Variants in DNAH9 observed in about 807,000 individuals in gnomAD.
DNAH9 encodes the protein dynein axonemal heavy chain 9, also known as DNAH9 variant protein.
DNAH9 carries 345 observed loss-of-function variants against 471.6 expected under a neutral mutation model. The observed-to-expected ratio is 0.73, with a 90% CI of 0.67 to 0.80. The LOEUF (loss-of-function observed/expected upper bound fraction) is 0.80, where lower values mean the gene tolerates loss of function less well. Ranked by LOEUF, DNAH9 falls within the 30% of genes least tolerant of loss-of-function variation. The pLI is 0.00. For synonymous variants in DNAH9, 2,093 were observed against 2,123.6 expected (o/e 0.99, Z 0.40); for missense variants, 5,407 against 5,609.2 (o/e 0.96, Z 1.15).
intron 8 of DNAH9, among the ~76,000 whole-genome samples, chr17:11,636,285 T>G (rs187792976): frequency 1.8e-4 from 28 of 152,320 alleles, no homozygotes; most frequent in African/African-American, 6.3e-4. Context: ...ATTACAGGCA[T>G]GAGCCACCGC....
At chr17:11,640,045 T>TTC (rs2073240663) in intron 9 of DNAH9, among the ~76,000 whole-genome samples, 1 of 152,182 alleles carries the variant, frequency 6.6e-6, no homozygotes, top group African/African-American at 2.4e-5. Context: ...GAAATCAGAA[T>TTC]AGCTTGGGCA....
rs1039796396 is a variant in DNAH9 at position 11,933,948 on chromosome 17, G to C, written c.12366G>C (p.Trp4122Cys). 1.2e-6 allele frequency: 2 copies of C among 1,614,104 alleles called. No homozygotes were observed. The highest frequency in any genetic ancestry group is 2.7e-5 in the African/African-American group (2 of 74,992). The change falls in exon 65 of 69, where the codon TGG becomes TGC. Residue 4122 changes from tryptophan to cysteine, a missense_variant. Physicochemically the swap from Trp to Cys is radical, Grantham distance 215. Coordinates refer to ENST00000262442, the MANE Select transcript of DNAH9 (RefSeq NM_001372.4). ...ATGGAGGCCATATCACAGATGACTGGGACAGAAGACTCTGCAGAACCTACC... is the reference window on the plus strand; with the variant it reads ...ATGGAGGCCATATCACAGATGACTGCGACAGAAGACTCTGCAGAACCTACC... Reference protein sequence around the residue: ...IMYGGHITDDWDRRLCRTYLG... With the variant: ...IMYGGHITDDCDRRLCRTYLG...
intron 19 of DNAH9, among the ~76,000 whole-genome samples, chr17:11,682,086 T>C (rs1247490317): frequency 6.6e-6 from 1 of 152,154 alleles, no homozygotes; most frequent in African/African-American, 2.4e-5. Context: ...TCTGGGAGTT[T>C]TAAAATCTCT....
In DNAH9 at chr17:11,756,459, A is replaced by C. The variant is rs574100273; in HGVS notation, c.6739-109A>C. 87 of 712,390 alleles carry C rather than the reference A, an allele frequency of 1.2e-4. No individual in the cohort carries two copies. In the African/African-American group the frequency reaches 1.3e-3, roughly 10 times the overall value. 44.1% of individuals were successfully genotyped at this position (712,390 alleles called of 1,614,324 possible). On this transcript the variant is annotated intron_variant, in intron 33 of 68. Coordinates refer to ENST00000262442, the MANE Select transcript of DNAH9 (RefSeq NM_001372.4). ...GACACAGCCAAACCATATAAAGGAA[A>C]TAATTCTCCATAATCCCAACCAAAC...
intron 61 of DNAH9, among the ~76,000 whole-genome samples, chr17:11,909,308 C>T (rs903676333): frequency 7.9e-5 from 12 of 152,262 alleles, no homozygotes; most frequent in Admixed American, 5.2e-4. Context: ...AGAGTCCACA[C>T]TCCCAATCAT....
chr17:11,960,605 C>A (rs1976052645), intron 67 of DNAH9, among the ~76,000 whole-genome samples: 1 of 151,368 alleles, frequency 6.6e-6, no homozygotes. Flanking sequence ...ACTAAAAATA[C>A]AAAATTAGCT....
At chr17:11,816,573 A>T (rs1394998249) in intron 45 of DNAH9, among the ~76,000 whole-genome samples, 1 of 152,138 alleles carries the variant, frequency 6.6e-6, no homozygotes, top group African/African-American at 2.4e-5. Context: ...ATTTTTTTTT[A>T]AACTATCAGG....
chr17:11,671,067 G>A (rs1021024887), intron 17 of DNAH9, among the ~76,000 whole-genome samples: 3 of 152,186 alleles, frequency 2.0e-5, no homozygotes, highest in Non-Finnish European at 2.9e-5. Context: ...TCTTCCCTGA[G>A]GAACTCAGAG....
intron 30 of DNAH9, among the ~76,000 whole-genome samples, chr17:11,743,603 C>G (rs937456031): frequency 6.6e-6 from 1 of 152,196 alleles, no homozygotes; most frequent in African/African-American, 2.4e-5. Context: ...GATGCTCCAT[C>G]TCCATTGATC....
chr17:11,966,086 A>G (rs1976692397), intron 68 of DNAH9, among the ~76,000 whole-genome samples: 1 of 152,230 alleles, frequency 6.6e-6, no homozygotes, highest in Admixed American at 6.5e-5. Context: ...GAAGAAAAAC[A>G]TTAATTTACA....
At chr17:11,966,412 A>G (rs1221173132) in intron 68 of DNAH9, among the ~76,000 whole-genome samples, 1 of 152,168 alleles carries the variant, frequency 6.6e-6, no homozygotes, top group African/African-American at 2.4e-5. Flanking sequence ...TTTTTAAGAG[A>G]GAGAGACAGA....
At position 11,892,423 on chromosome 17, in the gene DNAH9, C is replaced by G; in HGVS notation, c.11283+476C>G. ...TTTCCACAACTGTAGCAGCCTTGAC[C>G]TTAGAAAGTTTTCAATAACGTTGGT... On this transcript the variant is annotated intron_variant, in intron 58 of 68. Coordinates refer to ENST00000262442, the MANE Select transcript of DNAH9 (RefSeq NM_001372.4). The surrounding 1 kb of genome is among the most constrained non-coding windows in gnomAD (Gnocchi z 4.3). Among the ~76,000 whole-genome samples the G allele has an allele frequency of 6.6e-6, 1 of 152,198 alleles. No homozygotes were observed. Among genetic ancestry groups the G allele is most frequent in the Non-Finnish European group, 1.5e-5 (1 of 68,032 alleles).
At chr17:11,926,325 T>C (rs2151031623) in intron 62 of DNAH9, among the ~76,000 whole-genome samples, 1 of 152,196 alleles carries the variant, frequency 6.6e-6, no homozygotes, top group South Asian at 2.1e-4. Flanking sequence ...ACATATGCCA[T>C]GGTGGTTTGC....
intron 43 of DNAH9, among the ~76,000 whole-genome samples, chr17:11,806,579 A>G (rs1226405971): frequency 1.3e-5 from 2 of 152,210 alleles, no homozygotes; most frequent in Admixed American, 6.5e-5. Flanking sequence ...AAAAGTTTTC[A>G]AAAGACTGTG....
Position 11,902,786 on chromosome 17 carries a change from A to G in DNAH9, c.11474A>G (p.Lys3825Arg), listed in dbSNP as rs1216357605. 6.2e-7 allele frequency: 1 copy of G among 1,613,940 alleles called. No individual in the cohort carries two copies. The highest frequency in any genetic ancestry group is 1.7e-5 in the Admixed American group (1 of 60,008). Residue 3825 changes from lysine to arginine, a missense_variant, in exon 60 of 69, where the codon AAA becomes AGA. Physicochemically the swap from Lys to Arg is conservative, Grantham distance 26. Transcript: ENST00000262442. ...RDIEGSAKSW[K>R]KFVESECPEK... ...ATAGAGGGATCTGCTAAGAGCTGGA[A>G]AAAGTTTGTGGAGTCCGAATGTCCT...
intron 49 of DNAH9, among the ~76,000 whole-genome samples, chr17:11,846,533 C>A (rs1971231853): frequency 6.7e-6 from 1 of 149,028 alleles, no homozygotes; most frequent in Non-Finnish European, 1.5e-5. Context: ...TTTTCCAATT[C>A]TGTGAAGAAA....
In DNAH9 at chr17:11,774,621, CCT is replaced by C. The variant is rs540421746; in HGVS notation, c.7552+5294_7552+5295del. On this transcript the variant is annotated intron_variant, in intron 38 of 68. Coordinates refer to ENST00000262442, the MANE Select transcript of DNAH9 (RefSeq NM_001372.4). The stretch of plus-strand genomic sequence containing the variant: ...GAAACCCGTCCTCATGATTCAATTA[CCT>C]CCCACCAGGTAGGACACGTAGGGAT... 4.4e-4 allele frequency among the ~76,000 whole-genome samples: 67 copies of C among 152,298 alleles called. 1 individual carries two copies. The South Asian group carries it at 0.013, about 31-fold the overall frequency.
intron 43 of DNAH9, among the ~76,000 whole-genome samples, chr17:11,798,338 C>T (rs1392663291): frequency 6.8e-6 from 1 of 146,004 alleles, no homozygotes; most frequent in Non-Finnish European, 1.5e-5. Context: ...GAGGCTGAGG[C>T]AAGAGAATCG....
chr17:11,873,124 G>C (rs1186109301), intron 52 of DNAH9, among the ~76,000 whole-genome samples: 3 of 152,136 alleles, frequency 2.0e-5, no homozygotes, highest in African/African-American at 7.2e-5. Context: ...TAAAATGCTA[G>C]CAAATAAACA....
Sources: gnomAD v4.1 joint callset for allele counts (sites outside exome capture counted in the v4.1 genomes callset) on GRCh38, gnomAD v4.1.1 for gene constraint, Gnocchi (gnomAD v3.1) non-coding constraint, MANE v1.5 for transcripts, NCBI Gene and HGNC (gene_info 2026-07-23, HGNC 2026-07-21) for gene names.